The following ARAP2 variants were observed in gnomAD, a reference collection of about 807,000 sequenced individuals.
ARAP2 encodes arf-GAP with Rho-GAP domain, ANK repeat and PH domain-containing protein 2.
In ARAP2, 148 loss-of-function variants were observed where a neutral mutation model predicts 194.5. The observed-to-expected ratio is 0.76, with a 90% CI of 0.67 to 0.87. The LOEUF (loss-of-function observed/expected upper bound fraction) is 0.87, where lower values mean the gene tolerates loss of function less well. ARAP2 is among the 40% of genes least tolerant of loss of function. The probability of loss-of-function intolerance (pLI) is 0.00; values close to 1 mark genes in which losing one functional copy is unlikely to be tolerated. For missense variants in ARAP2, 2,128 were observed against 1,989.7 expected, an observed-to-expected ratio of 1.07 and a Z score of -1.32; for synonymous variants, 695 against 683.5, an observed-to-expected ratio of 1.02 and a Z score of -0.26.
intron 1 of ARAP2, among the ~76,000 whole-genome samples, chr4:36,229,961 T>C (rs180791999): frequency 2.0e-5 from 3 of 152,336 alleles, no homozygotes; most frequent in Admixed American, 6.5e-5. Context: ...AGTAAGTCAG[T>C]AAGATTGGAT....
intron 5 of ARAP2, among the ~76,000 whole-genome samples, chr4:36,025,289 AT>A (rs1365820710): frequency 6.6e-6 from 1 of 152,156 alleles, no homozygotes; most frequent in Non-Finnish European, 1.5e-5. Context: ...CACCATATGG[AT>A]TTTAACATTT....
chr4:36,231,267 C>T (rs1751399611), intron 1 of ARAP2, among the ~76,000 whole-genome samples: 3 of 152,024 alleles, frequency 2.0e-5, no homozygotes, highest in Non-Finnish European at 2.9e-5. Flanking sequence ...ACTTGGGAGG[C>T]GGAGGTTGCA....
At chr4:36,218,961 G>A (rs1468165203) in intron 2 of ARAP2, among the ~76,000 whole-genome samples, 1 of 152,092 alleles carries the variant, frequency 6.6e-6, no homozygotes, top group Non-Finnish European at 1.5e-5. Context: ...TGTAGCAAAA[G>A]GTCAATAAAC....
At chr4:36,171,526 G>C (rs916095645) in intron 9 of ARAP2, among the ~76,000 whole-genome samples, 3 of 151,966 alleles carry the variant, frequency 2.0e-5, no homozygotes, top group Non-Finnish European at 4.4e-5. Context: ...GTTGTGGGGT[G>C]GGGGGAGTGG....
At chr4:36,240,471 A>G (rs1462938699) in intron 1 of ARAP2, among the ~76,000 whole-genome samples, 1 of 152,244 alleles carries the variant, frequency 6.6e-6, no homozygotes, top group African/African-American at 2.4e-5. Flanking sequence ...TGGGACACAA[A>G]GCACAGTGAT....
At chr4:36,123,058 G>C (rs914559760) in intron 22 of ARAP2, among the ~76,000 whole-genome samples, 2 of 151,792 alleles carry the variant, frequency 1.3e-5, no homozygotes, top group Non-Finnish European at 2.9e-5. Flanking sequence ...CATCACACGT[G>C]ATTTACAACA....
intron 10 of ARAP2, among the ~76,000 whole-genome samples, chr4:36,166,595 A>T (rs947956958): frequency 7.9e-5 from 12 of 152,148 alleles, no homozygotes; most frequent in African/African-American, 2.6e-4. Context: ...AATACAACTT[A>T]AAGACAATGT....
chr4:36,177,652 T>C (rs1252562997), intron 9 of ARAP2, among the ~76,000 whole-genome samples, 175 bp downstream of exon 9: 1 of 152,176 alleles, frequency 6.6e-6, no homozygotes. Context: ...ACTTTCTTGC[T>C]GGTGGAGACA....
intron 32 of ARAP2, among the ~76,000 whole-genome samples, chr4:36,070,480 G>A (rs1726582421): frequency 6.6e-6 from 1 of 152,212 alleles, no homozygotes; most frequent in Non-Finnish European, 1.5e-5. Context: ...AAAACCAGTT[G>A]TTTGAACGGA....
chr4:36,018,935 G>A (rs1265219042), intron 6 of ARAP2, among the ~76,000 whole-genome samples: 1 of 137,552 alleles, frequency 7.3e-6, no homozygotes, highest in Non-Finnish European at 1.5e-5. Context: ...ATCCTAGGGA[G>A]GGCCAAGCTA....
At position 36,027,466 on chromosome 4, in the gene ARAP2, C is replaced by G. The variant is rs1378484217; in HGVS notation, n.608-8180G>C. Among the ~76,000 whole-genome samples, 4 of 151,406 alleles carry G rather than the reference C, an allele frequency of 2.6e-5. No individual in the cohort carries two copies. In the East Asian group the frequency reaches 7.7e-4, roughly 29 times the overall value. On this transcript the variant is annotated intron_variant and non_coding_transcript_variant, in intron 5 of 12. Coordinates refer to the ARAP2 transcript ENST00000503225. ...TTCATGGCTGATTGGGCTCAGCTGT[C>G]AAGACTCAGCTACAGGATTTATTTC...
chr4:36,046,717 A>G (rs1316341398), exon 4 of ARAP2: 1 of 152,240 alleles, frequency 6.6e-6, no homozygotes, highest in Non-Finnish European at 1.5e-5. Context: ...CACCCATCAC[A>G]ATAGGAAGGC....
rs376093649 is a variant in ARAP2 at position 36,167,337 on chromosome 4, A to T, written c.1858-290T>A. On this transcript the variant is annotated intron_variant, in intron 9 of 32. Transcript: ENST00000303965. ...GTAGGCACAATATTCACCCTTATCC[A>T]TTCATTAAAGGAAGCTAAATATTAA... 9.2e-5 allele frequency among the ~76,000 whole-genome samples: 14 copies of T among 152,216 alleles called. No individual in the cohort carries two copies. In the South Asian group the frequency reaches 1.5e-3, roughly 16 times the overall value.
intron 31 of ARAP2, among the ~76,000 whole-genome samples, chr4:36,079,952 C>G (rs879777193): frequency 1.4e-4 from 22 of 152,120 alleles, no homozygotes; most frequent in Admixed American, 1.4e-3. Context: ...CATTTTAAAG[C>G]AACACACCTC....
Position 36,166,970 on chromosome 4 carries a change from T to C in ARAP2, c.1935A>G (p.Lys645=). The C allele has an allele frequency of 6.2e-7, 1 of 1,607,926 alleles. No homozygotes were observed. Among genetic ancestry groups the C allele is most frequent in the Non-Finnish European group, 8.5e-7 (1 of 1,177,710 alleles). ...ANVKQVDRTV[K]QSFEIITPYR... ...AGGGAGTGATTATTTCAAAAGATTG[T>C]TTCACAGTTCGGTCCACTTGCTTTA... Residue 645 remains lysine (K), a synonymous_variant, in exon 10 of 33, where the codon AAA becomes AAG. Transcript: ENST00000303965.
intron 9 of ARAP2, among the ~76,000 whole-genome samples, chr4:36,010,704 C>T (rs1414498201): frequency 6.6e-6 from 1 of 152,072 alleles, no homozygotes; most frequent in Non-Finnish European, 1.5e-5. Flanking sequence ...AATTCAACCC[C>T]TTACATAGAT....
At chr4:36,008,740 A>G (rs1489327739) in intron 9 of ARAP2, among the ~76,000 whole-genome samples, 1 of 152,140 alleles carries the variant, frequency 6.6e-6, no homozygotes, top group African/African-American at 2.4e-5. Context: ...AAGAGAAACT[A>G]TCAATGGAAT....
intron 11 of ARAP2, among the ~76,000 whole-genome samples, chr4:36,164,286 T>C (rs1280366052): frequency 6.6e-6 from 1 of 152,140 alleles, no homozygotes; most frequent in African/African-American, 2.4e-5. Flanking sequence ...TGTGGTTAAC[T>C]TTCTTCAAAA....
At chr4:36,240,239 C>G (rs1753258597) in intron 1 of ARAP2, among the ~76,000 whole-genome samples, 1 of 152,140 alleles carries the variant, frequency 6.6e-6, no homozygotes, top group African/African-American at 2.4e-5. Context: ...TACAATATTG[C>G]CTTTAATCAT....
Sources: gnomAD v4.1 joint callset for allele counts (sites outside exome capture counted in the v4.1 genomes callset) on GRCh38, gnomAD v4.1.1 for gene constraint, MANE v1.5 for transcripts, NCBI Gene and HGNC (gene_info 2026-07-23, HGNC 2026-07-21) for gene names.